The following UGT1A10 variants were observed in gnomAD, a reference collection of about 807,000 sequenced individuals.
UGT1A10 encodes UDP glucuronosyltransferase family 1 member A10, also known as UDP-glucuronosyltransferase 1A10.
A neutral mutation model predicts 45.8 loss-of-function variants in UGT1A10; 49 were observed. That is an observed-to-expected ratio of 1.07 (90% CI 0.85 to 1.36). The LOEUF is 1.36. Among genes scored for constraint, UGT1A10 ranks in the 40% most tolerant of loss-of-function variants. The pLI, the probability that UGT1A10 is intolerant of heterozygous loss-of-function variation, is 0.00. For synonymous variants in UGT1A10, 284 were observed against 249.7 expected, an observed-to-expected ratio of 1.14 and a Z score of -1.29; for missense variants, 745 against 668.6, an observed-to-expected ratio of 1.11 and a Z score of -1.26.
chr2:233,771,360 A>G (rs1369585648), intron 4 of UGT1A10: 1 of 151,838 alleles, frequency 6.6e-6, no homozygotes, highest in African/African-American at 2.4e-5. Flanking sequence ...GGGTTGAAGC[A>G]CCTAACCCGT....
At chr2:233,747,834 C>A (rs367969485) in intron 1 of UGT1A10, 5 of 1,613,520 alleles carry the variant, frequency 3.1e-6, no homozygotes, top group South Asian at 1.1e-5. Context: ...CATGACATTC[C>A]TGCAAAGGGT....
At chr2:233,688,947 C>A (rs2074920768) in intron 1 of UGT1A10, among the ~76,000 whole-genome samples, 1 of 152,108 alleles carries the variant, frequency 6.6e-6, no homozygotes, top group Non-Finnish European at 1.5e-5. Flanking sequence ...AGCATGAAGC[C>A]AAATGTTTGG....
intron 1 of UGT1A10, chr2:233,718,932 G>A (rs781665803): frequency 3.7e-6 from 6 of 1,614,132 alleles, no homozygotes; most frequent in Non-Finnish European, 4.2e-6. Context: ...GCCCACTGAT[G>A]GCAGCCCCTG....
intron 1 of UGT1A10, among the ~76,000 whole-genome samples, chr2:233,738,028 A>G (rs1242649039): frequency 6.6e-6 from 1 of 151,924 alleles, no homozygotes; most frequent in Non-Finnish European, 1.5e-5. Context: ...TAATCCCCAT[A>G]ATCCCCACGT....
Position 233,636,679 on chromosome 2 carries a change from C to A in UGT1A10, c.157C>A (p.His53Asn), listed in dbSNP as rs1412374840. ...SVVEKLILRG[H>N]EVVVVMPEVS... ...GGTGGAGAAACTTATCCTCAGGGGG[C>A]ATGAGGTGGTTGTAGTCATGCCAGA... is the stretch of plus-strand genomic sequence containing the variant. The change falls in exon 1 of 5, where the codon CAT (histidine) becomes AAT (asparagine). Residue 53 changes from histidine to asparagine, a missense_variant. Coordinates refer to ENST00000344644, the MANE Select transcript of UGT1A10 (RefSeq NM_019075.4). The A allele has an allele frequency of 6.2e-7, 1 of 1,613,992 alleles. No homozygotes were observed. Among genetic ancestry groups the A allele is most frequent in the Non-Finnish European group, 8.5e-7 (1 of 1,180,030 alleles).
chr2:233,649,226 G>A (rs188319234), intron 1 of UGT1A10, among the ~76,000 whole-genome samples: 24 of 152,250 alleles, frequency 1.6e-4, no homozygotes, highest in Admixed American at 3.9e-4. Context: ...ATGTGTATAC[G>A]ATTGGTTAAT....
At chr2:233,668,567 AC>A (rs2074122875) in intron 1 of UGT1A10, among the ~76,000 whole-genome samples, 1 of 152,198 alleles carries the variant, frequency 6.6e-6, no homozygotes, top group African/African-American at 2.4e-5. Context: ...TTGGATACAT[AC>A]CCAGTAATGG....
chr2:233,658,137 G>A (rs1293002360), intron 1 of UGT1A10, among the ~76,000 whole-genome samples: 2 of 151,470 alleles, frequency 1.3e-5, no homozygotes, highest in African/African-American at 4.9e-5. Flanking sequence ...TTGTGCCTCA[G>A]CCTCCTGAGT....
intron 1 of UGT1A10, among the ~76,000 whole-genome samples, chr2:233,651,328 T>C (rs1216349651): frequency 6.6e-6 from 1 of 152,204 alleles, no homozygotes; most frequent in Non-Finnish European, 1.5e-5. Context: ...CGGAAAGCTA[T>C]GTGTGATTTT....
intron 1 of UGT1A10, among the ~76,000 whole-genome samples, chr2:233,696,855 A>C (rs1199759556): frequency 6.6e-6 from 1 of 152,166 alleles, no homozygotes; most frequent in Admixed American, 6.5e-5. Flanking sequence ...ATTTTGTTGA[A>C]TGTTTTTTCA....
chr2:233,768,426 A>G lies in UGT1A10; in HGVS notation c.1282A>G (p.Ile428Val), dbSNP rs1699609546. 6.2e-7 allele frequency: 1 copy of G among 1,614,122 alleles called. No homozygotes were observed. Among genetic ancestry groups the G allele is most frequent in the African/African-American group, 1.3e-5 (1 of 75,056 alleles). The change falls in exon 4 of 5, where the codon ATC (isoleucine) becomes GTC (valine). Residue 428 changes from isoleucine (I) to valine (V), a missense_variant. By Grantham distance (29) the Ile-to-Val change is conservative. Transcript: ENST00000344644. ...EDLENALKAVINDKSYKENIM... is the reference protein window; with the variant it reads ...EDLENALKAVVNDKSYKENIM... ...TTTAGAAAATGCTCTAAAAGCAGTC[A>G]TCAATGACAAAAGGTAAGAAAGAAG...
At chr2:233,752,528 TC>T (rs1436450769) in intron 1 of UGT1A10, 1 of 152,210 alleles carries the variant, frequency 6.6e-6, no homozygotes, top group African/African-American at 2.4e-5. Context: ...TTCTAAAAAT[TC>T]TTTAAATAAA....
intron 1 of UGT1A10, chr2:233,693,560 C>G: frequency 6.2e-7 from 1 of 1,614,184 alleles, no homozygotes. Context: ...CAGCAGAAGC[C>G]CAGACCCTGT....
chr2:233,690,512 T>C, intron 1 of UGT1A10: 1 of 1,289,818 alleles, frequency 7.8e-7, no homozygotes, highest in Non-Finnish European at 1.0e-6. Flanking sequence ...AGATTTGTTT[T>C]ATCTTAGGAT....
chr2:233,681,852 A>G, intron 1 of UGT1A10: 1 of 1,518,622 alleles, frequency 6.6e-7, no homozygotes, highest in Non-Finnish European at 8.8e-7. Context: ...CCTTCTTTTG[A>G]GGGCAGGTTC....
At chr2:233,709,597 G>T (rs4408722) in intron 1 of UGT1A10, among the ~76,000 whole-genome samples, 2,036 of 152,244 alleles carry the variant, frequency 0.013, 51 homozygotes, top group African/African-American at 0.047. Flanking sequence ...GGATGTGAAA[G>T]AAACATTATT....
Position 233,768,283 on chromosome 2 carries a change from G to T in UGT1A10, c.1139G>T (p.Cys380Phe). 6.2e-7 allele frequency: 1 copy of T among 1,614,180 alleles called. No homozygotes were observed. The change falls in exon 4 of 5, where the codon TGC becomes TTC. Residue 380 changes from cysteine (C) to phenylalanine (F), a missense_variant. Transcript: ENST00000344644. ...TCCCATGGTGTTTATGAAAGCATAT[G>T]CAATGGCGTTCCCATGGTGATGATG... Reference protein sequence around the residue: ...AGSHGVYESICNGVPMVMMPL... With the variant: ...AGSHGVYESIFNGVPMVMMPL...
In UGT1A10 at chr2:233,741,128, AAC is replaced by A. The variant is rs200537082; in HGVS notation, c.856-25903_856-25902del. The stretch of plus-strand genomic sequence containing the variant: ...TCAAGCTTTACACTTCTATAAAAGC[AAC>A]ACTTTCCATTTATGACAGCACTAAT... On this transcript the variant is annotated intron_variant, in intron 1 of 4. Coordinates refer to ENST00000344644, the MANE Select transcript of UGT1A10 (RefSeq NM_019075.4). Among the ~76,000 whole-genome samples, 1,292 of 152,018 alleles carry A rather than the reference AAC, an allele frequency of 8.5e-3. 44 individuals carry two copies. The highest frequency in any genetic ancestry group is 0.053 in the Admixed American group (810 of 15,284).
chr2:233,729,082 G>T (rs2077787378), intron 1 of UGT1A10: 1 of 1,612,130 alleles, frequency 6.2e-7, no homozygotes, highest in Admixed American at 1.7e-5. Flanking sequence ...AATGTAGCAG[G>T]CACAGCGTGG....
Sources: gnomAD v4.1 joint callset for allele counts (sites outside exome capture counted in the v4.1 genomes callset) on GRCh38, gnomAD v4.1.1 for gene constraint, MANE v1.5 for transcripts, NCBI Gene and HGNC (gene_info 2026-07-23, HGNC 2026-07-21) for gene names.